The following NREP variants were observed in gnomAD, a reference collection of about 807,000 sequenced individuals.
The protein encoded by NREP is neuronal regeneration-related protein.
A neutral mutation model predicts 8.6 loss-of-function variants in NREP; 5 were observed. The ratio of observed to expected loss-of-function variants is 0.58; its 90% confidence interval spans 0.30 to 1.22. NREP has a LOEUF of 1.22. Ranked by LOEUF, NREP falls within the 50% of genes most tolerant of loss-of-function variation. The pLI, the probability that NREP is intolerant of heterozygous loss-of-function variation, is 0.07. For synonymous variants in NREP, 27 were observed against 28.0 expected (o/e 0.96, Z 0.11); for missense variants, 86 against 82.5 (o/e 1.04, Z -0.17).
At chr5:111,851,097 A>C (rs546562903) in intron 2 of NREP, among the ~76,000 whole-genome samples, 2 of 152,270 alleles carry the variant, frequency 1.3e-5, no homozygotes, top group East Asian at 3.9e-4. Flanking sequence ...CTATAGTCAC[A>C]ATGTCTAAGA....
chr5:111,757,636 G>C, upstream of NREP: 7 of 982,958 alleles, frequency 7.1e-6, no homozygotes, highest in Non-Finnish European at 7.2e-6. Context: ...CCCCGCACCC[G>C]CGCCCCGGGC....
intron 2 of NREP, chr5:111,912,719 C>T (rs894935070): frequency 6.6e-5 from 10 of 152,186 alleles, no homozygotes; most frequent in East Asian, 5.8e-4. Context: ...TCACATTCAA[C>T]AGTAAGTCAA....
chr5:111,917,269 C>G (rs923114005), intron 2 of NREP, among the ~76,000 whole-genome samples: 3 of 152,142 alleles, frequency 2.0e-5, no homozygotes, highest in African/African-American at 7.2e-5. Flanking sequence ...CAGCCGAATT[C>G]TACCAGAGGT....
intron 2 of NREP, chr5:111,969,338 C>T (rs1756736471): frequency 6.6e-6 from 1 of 152,210 alleles, no homozygotes; most frequent in East Asian, 1.9e-4. Flanking sequence ...CCAACAAAGG[C>T]AGGGAGACAA....
At chr5:111,817,787 A>G (rs1396204618) in intron 2 of NREP, among the ~76,000 whole-genome samples, 1 of 144,560 alleles carries the variant, frequency 6.9e-6, no homozygotes, top group Non-Finnish European at 1.5e-5. Flanking sequence ...CCTGGGCAAC[A>G]GAGCAAGACT....
At chr5:111,902,725 A>T (rs899600202) in intron 2 of NREP, among the ~76,000 whole-genome samples, 1 of 152,146 alleles carries the variant, frequency 6.6e-6, no homozygotes, top group Admixed American at 6.6e-5. Flanking sequence ...TACCCAGGGA[A>T]AGCTTCACCA....
upstream of NREP, among the ~76,000 whole-genome samples, chr5:111,759,522 G>T (rs1237390981): frequency 6.6e-6 from 1 of 151,506 alleles, no homozygotes; most frequent in Admixed American, 6.6e-5. Flanking sequence ...CCAAAGTGCT[G>T]GGATTACAGG....
chr5:111,896,022 G>C (rs984583627), intron 2 of NREP, among the ~76,000 whole-genome samples: 13 of 152,186 alleles, frequency 8.5e-5, no homozygotes, highest in Non-Finnish European at 1.9e-4. Context: ...TATAATAATA[G>C]TGATGGAAAG....
At chr5:111,771,465 A>G (rs148051180) in intron 2 of NREP, among the ~76,000 whole-genome samples, 70 of 150,190 alleles carry the variant, frequency 4.7e-4, no homozygotes, top group Non-Finnish European at 9.4e-4. Context: ...ACACACACAC[A>G]TATGCACACT....
intron 2 of NREP, among the ~76,000 whole-genome samples, chr5:111,929,156 AC>A (rs1755471034): frequency 1.3e-5 from 2 of 152,136 alleles, no homozygotes; most frequent in East Asian, 3.9e-4. Flanking sequence ...ATTGAATTCT[AC>A]TGTCTTTTGC....
chr5:111,945,743 A>T (rs941628955), intron 2 of NREP, among the ~76,000 whole-genome samples: 25 of 140,338 alleles, frequency 1.8e-4, no homozygotes, highest in African/African-American at 6.7e-4. Context: ...TTAGGACACT[A>T]TGTCTCTATT....
chr5:111,848,980 A>G (rs1010645161), intron 2 of NREP, among the ~76,000 whole-genome samples: 6 of 152,082 alleles, frequency 3.9e-5, no homozygotes, highest in African/African-American at 1.4e-4. Context: ...TTTGGATCTC[A>G]TACTCTTCAC....
At chr5:111,897,659 C>A (rs997836052) in intron 2 of NREP, among the ~76,000 whole-genome samples, 1 of 152,038 alleles carries the variant, frequency 6.6e-6, no homozygotes. Flanking sequence ...AACAGTGCAC[C>A]AACTATAAAA....
intron 2 of NREP, among the ~76,000 whole-genome samples, chr5:111,781,259 T>C (rs746327624): frequency 1.3e-5 from 2 of 152,186 alleles, no homozygotes; most frequent in Non-Finnish European, 2.9e-5. Context: ...TGAGGCTCGG[T>C]CAAAAAGGTA....
At chr5:111,790,347 CTT>C (rs57775701) in intron 2 of NREP, among the ~76,000 whole-genome samples, 92 of 59,612 alleles carry the variant, frequency 1.5e-3, no homozygotes, top group African/African-American at 4.8e-3. Flanking sequence ...AAAACCTTAA[CTT>C]TTTTTTTTTT....
rs1439868440 is a variant in NREP, at chr5:111,737,747, A to AC, written c.4-2241_4-2240insG. On this transcript the variant is annotated intron_variant, in intron 2 of 3. Coordinates refer to ENST00000257435, the MANE Select transcript of NREP (RefSeq NM_004772.4). ...AAAAAAAACAAAAACAAAAACAAAA[A>AC]AAAAGCCAATGACTTTTGCCAAAGA... Among the ~76,000 whole-genome samples, 75 of 151,806 alleles carry AC rather than the reference A, an allele frequency of 4.9e-4. 1 individual carries two copies. The highest frequency in any genetic ancestry group is 1.8e-3 in the African/African-American group (74 of 41,324).
chr5:111,888,391 G>A (rs1444192683), intron 2 of NREP, among the ~76,000 whole-genome samples: 4 of 152,048 alleles, frequency 2.6e-5, no homozygotes, highest in Admixed American at 6.6e-5. Flanking sequence ...CAAAGGAGAA[G>A]CAAGGCAACT....
chr5:111,889,582 G>C (rs536877103), intron 2 of NREP, among the ~76,000 whole-genome samples: 1 of 152,092 alleles, frequency 6.6e-6, no homozygotes. Context: ...ACTCATTTCA[G>C]CATTAACTCA....
intron 2 of NREP, among the ~76,000 whole-genome samples, chr5:111,776,163 C>A (rs1201365348): frequency 1.3e-5 from 2 of 152,234 alleles, no homozygotes; most frequent in East Asian, 1.9e-4. Context: ...TAAAAATAAG[C>A]ATATCCTTGG....
Sources: gnomAD v4.1 joint callset for allele counts (sites outside exome capture counted in the v4.1 genomes callset) on GRCh38, gnomAD v4.1.1 for gene constraint, MANE v1.5 for transcripts, NCBI Gene and HGNC (gene_info 2026-07-23, HGNC 2026-07-21) for gene names.